WHRN: variants seen among roughly 807,000 people sequenced by gnomAD.
WHRN encodes whirlin.
A neutral mutation model predicts 68.3 loss-of-function variants in WHRN; 41 were observed. That is an observed-to-expected ratio of 0.60 (90% CI 0.47 to 0.78). WHRN has a LOEUF of 0.78. Among genes scored for constraint, WHRN ranks in the 30% least tolerant of loss-of-function variants. WHRN has a pLI of 0.00. For missense variants in WHRN, 1,243 were observed against 1,244.7 expected, an observed-to-expected ratio of 1.00 and a Z score of 0.02; for synonymous variants, 560 against 561.3, an observed-to-expected ratio of 1.00 and a Z score of 0.03.
chr9:114,410,963 T>C (rs1471728101), intron 7 of WHRN, among the ~76,000 whole-genome samples: 1 of 152,218 alleles, frequency 6.6e-6, no homozygotes, highest in Non-Finnish European at 1.5e-5. Context: ...AGCTGAGTGA[T>C]GGTAGGTAAA....
intron 1 of WHRN, among the ~76,000 whole-genome samples, chr9:114,493,527 C>T (rs1843184024): frequency 2.0e-5 from 3 of 152,056 alleles, no homozygotes; most frequent in Admixed American, 1.3e-4. Flanking sequence ...ACATGAGGCC[C>T]AGGAGAGAGA....
At chr9:114,482,295 C>A (rs1842152282) in intron 1 of WHRN, among the ~76,000 whole-genome samples, 1 of 152,196 alleles carries the variant, frequency 6.6e-6, no homozygotes, top group Non-Finnish European at 1.5e-5. Context: ...CCGTTAACAT[C>A]CACAGGCATT....
At chr9:114,467,031 T>C (rs1297052223) in intron 2 of WHRN, among the ~76,000 whole-genome samples, 1 of 150,168 alleles carries the variant, frequency 6.7e-6, no homozygotes, top group African/African-American at 2.5e-5. Flanking sequence ...ACCTCAGGGG[T>C]ATCCTGTCAC....
At chr9:114,435,725 CA>C (rs1837793073) in intron 3 of WHRN, among the ~76,000 whole-genome samples, 1 of 152,142 alleles carries the variant, frequency 6.6e-6, no homozygotes, top group Non-Finnish European at 1.5e-5. Context: ...TTCTCAAGCT[CA>C]AGTCCACAGC....
At chr9:114,426,055 G>T (rs1836821984) in intron 4 of WHRN, 156 bp downstream of exon 4, 1 of 872,224 alleles carries the variant, frequency 1.1e-6, no homozygotes, top group Non-Finnish European at 1.8e-6. Context: ...AGAGGAGAGG[G>T]ATGTGCCCAG....
rs761043946 is a variant in WHRN, at chr9:114,402,938, T to C, written c.2542-2A>G. On this transcript the variant is annotated splice_acceptor_variant, in intron 11 of 11. Transcript: ENST00000362057. LOFTEE classifies it high-confidence loss of function. The stretch of plus-strand genomic sequence containing the variant: ...ACAGTTGTGAGCTGAGCCGCCTCTC[T>C]GCAGGGAGGAGACACAGGGCATGGG... 8 of 1,608,908 alleles carry C rather than the reference T, an allele frequency of 5.0e-6. No individual in the cohort carries two copies. Among genetic ancestry groups the C allele is most frequent in the Non-Finnish European group, 6.8e-6 (8 of 1,177,920 alleles).
At chr9:114,412,063 C>T (rs938370862) in intron 7 of WHRN, among the ~76,000 whole-genome samples, 2 of 151,898 alleles carry the variant, frequency 1.3e-5, no homozygotes, top group African/African-American at 2.4e-5. Flanking sequence ...GAGGGGTAGA[C>T]GAGGGATGAA....
chr9:114,413,274 C>T (rs985104462), intron 7 of WHRN, among the ~76,000 whole-genome samples: 4 of 152,096 alleles, frequency 2.6e-5, no homozygotes, highest in Admixed American at 6.5e-5. Context: ...AAGGCACAGG[C>T]GGAGAGCAAT....
At chr9:114,482,786 A>C (rs1270979391) in intron 1 of WHRN, among the ~76,000 whole-genome samples, 1 of 152,202 alleles carries the variant, frequency 6.6e-6, no homozygotes, top group Non-Finnish European at 1.5e-5. Context: ...TTCTATAAAT[A>C]GGCCAGCAGC....
At chr9:114,406,977 G>A (rs1589065902) in intron 8 of WHRN, 85 bp from the exon 9 acceptor site, 1 of 1,484,216 alleles carries the variant, frequency 6.7e-7, no homozygotes, top group African/African-American at 1.4e-5. Flanking sequence ...GTGGTGCCAG[G>A]CCCAGCTGGA....
intron 1 of WHRN, among the ~76,000 whole-genome samples, chr9:114,492,786 G>C (rs1468812475): frequency 6.6e-6 from 1 of 151,810 alleles, no homozygotes; most frequent in East Asian, 1.9e-4. Context: ...AAGAGCTCAC[G>C]ACCAGCCTGC....
At chr9:114,499,545 G>C (rs1589277924) in intron 1 of WHRN, among the ~76,000 whole-genome samples, 2 of 152,226 alleles carry the variant, frequency 1.3e-5, no homozygotes, top group Admixed American at 1.3e-4. Context: ...AAAGAACCTT[G>C]CAAGAAATCA....
Position 114,402,777 on chromosome 9 carries a change from T to C in WHRN, c.2701A>G (p.Thr901Ala). ...CTCTAGAGCATCACATTGAACTCAG[T>C]GACCAGAAAGTCAATGTAGTCACGG... ...KDRDYIDFLV[T>A]EFNVML The change falls in exon 12 of 12, where the codon ACT becomes GCT. Residue 901 changes from threonine (T) to alanine (A), a missense_variant. Physicochemically the swap from Thr to Ala is moderately conservative, Grantham distance 58. Transcript: ENST00000362057. The C allele has an allele frequency of 5.6e-6, 9 of 1,614,002 alleles. No homozygotes were observed. Among genetic ancestry groups the C allele is most frequent in the Non-Finnish European group, 6.8e-6 (8 of 1,180,034 alleles).
intron 3 of WHRN, among the ~76,000 whole-genome samples, chr9:114,458,157 G>A (rs1839965171): frequency 6.6e-6 from 1 of 152,176 alleles, no homozygotes; most frequent in Non-Finnish European, 1.5e-5. Context: ...TTACCGGGAT[G>A]TGACAGCTGC....
At chr9:114,478,225 T>A (rs1227394270) in intron 2 of WHRN, 2 of 631,520 alleles carry the variant, frequency 3.2e-6, no homozygotes, top group Non-Finnish European at 5.8e-6. Context: ...GAGGCAGAGG[T>A]TGCAGCGAGC....
intron 1 of WHRN, among the ~76,000 whole-genome samples, chr9:114,494,527 G>C (rs1843281640): frequency 1.3e-5 from 2 of 152,194 alleles, no homozygotes. Flanking sequence ...CCCACAGCTA[G>C]AAAGTGGCAG....
intron 7 of WHRN, among the ~76,000 whole-genome samples, chr9:114,417,082 G>A (rs1336874589): frequency 6.6e-6 from 1 of 152,212 alleles, no homozygotes; most frequent in Non-Finnish European, 1.5e-5. Flanking sequence ...TGGGGGAAAT[G>A]ATATTGTGTG....
chr9:114,483,919 G>A (rs1658983369), intron 1 of WHRN, among the ~76,000 whole-genome samples: 1 of 152,162 alleles, frequency 6.6e-6, no homozygotes, highest in East Asian at 1.9e-4. Flanking sequence ...GGACACCCAG[G>A]GATAACTCCA....
At chr9:114,480,666 G>A (rs1842033314) in intron 1 of WHRN, among the ~76,000 whole-genome samples, 2 of 152,090 alleles carry the variant, frequency 1.3e-5, no homozygotes, top group Admixed American at 1.3e-4. Flanking sequence ...ATTTTGTTAT[G>A]GCAGCACCAT....
Sources: allele counts gnomAD v4.1 joint callset (sites outside exome capture counted in the v4.1 genomes callset), GRCh38; gene constraint gnomAD v4.1.1; transcripts MANE v1.5; gene names NCBI Gene and HGNC (gene_info 2026-07-23, HGNC 2026-07-21).